The following CDH10 variants were observed in gnomAD, a reference collection of about 807,000 sequenced individuals.
CDH10 encodes the protein cadherin 10.
A neutral mutation model predicts 73.1 loss-of-function variants in CDH10; 30 were observed. That is an observed-to-expected ratio of 0.41 (90% confidence interval 0.31 to 0.56). The LOEUF (loss-of-function observed/expected upper bound fraction) is 0.56. CDH10 is among the 20% of genes least tolerant of loss of function. The probability of loss-of-function intolerance (pLI) is 0.27; values close to 1 mark genes in which losing one functional copy is unlikely to be tolerated. For missense variants in CDH10, 815 were observed against 973.7 expected (o/e 0.84, Z 2.17); for synonymous variants, 345 against 348.2 (o/e 0.99, Z 0.10).
intron 1 of CDH10, among the ~76,000 whole-genome samples, chr5:24,605,476 TG>T (rs1448910173): frequency 1.3e-5 from 2 of 152,202 alleles, no homozygotes; most frequent in Non-Finnish European, 2.9e-5. Context: ...CAATCTGAGG[TG>T]GAACAGTCAT....
At chr5:24,556,826 T>C (rs1296934275) in intron 2 of CDH10, among the ~76,000 whole-genome samples, 1 of 151,836 alleles carries the variant, frequency 6.6e-6, no homozygotes, top group Non-Finnish European at 1.5e-5. Flanking sequence ...TAAAGTTAAT[T>C]GAGCATAATT....
At chr5:24,555,275 T>A (rs560666754) in intron 2 of CDH10, among the ~76,000 whole-genome samples, 3 of 152,268 alleles carry the variant, frequency 2.0e-5, no homozygotes, top group African/African-American at 7.2e-5. Flanking sequence ...AAAAGTTTCA[T>A]TAGAGGCTTA....
chr5:24,576,896 A>G (rs1027946717), intron 2 of CDH10, among the ~76,000 whole-genome samples: 1 of 152,008 alleles, frequency 6.6e-6, no homozygotes, highest in African/African-American at 2.4e-5. Flanking sequence ...AATGAGCAAT[A>G]TTGAAAACAT....
chr5:24,512,190 A>G (rs146159509), intron 5 of CDH10, among the ~76,000 whole-genome samples: 2,568 of 152,194 alleles, frequency 0.017, 54 homozygotes, highest in African/African-American at 0.052. Flanking sequence ...ATTTTATTTT[A>G]TCTTTTGAGA....
At chr5:24,621,332 C>T (rs1251066971) in intron 1 of CDH10, among the ~76,000 whole-genome samples, 1 of 152,152 alleles carries the variant, frequency 6.6e-6, no homozygotes, top group Non-Finnish European at 1.5e-5. Context: ...CAAGGCATAT[C>T]TACTAAGAGG....
intron 2 of CDH10, among the ~76,000 whole-genome samples, chr5:24,562,418 A>G (rs16893546): frequency 0.096 from 14,628 of 152,012 alleles, 1,284 homozygotes; most frequent in African/African-American, 0.24. Context: ...ATTTCACTCA[A>G]CTACTCTGTT....
At chr5:24,517,246 G>GT (rs1743142147) in intron 5 of CDH10, among the ~76,000 whole-genome samples, 1 of 152,054 alleles carries the variant, frequency 6.6e-6, no homozygotes, top group Non-Finnish European at 1.5e-5. Context: ...GCACATTTTT[G>GT]TTTAATCATT....
At chr5:24,490,140 T>A (rs1354615351) in intron 11 of CDH10, among the ~76,000 whole-genome samples, 1 of 152,146 alleles carries the variant, frequency 6.6e-6, no homozygotes, top group Non-Finnish European at 1.5e-5. Flanking sequence ...TTATTCTTAC[T>A]AGAGACTTTC....
chr5:24,575,059 A>G (rs1745545267), intron 2 of CDH10, among the ~76,000 whole-genome samples: 1 of 152,104 alleles, frequency 6.6e-6, no homozygotes, highest in African/African-American at 2.4e-5. Flanking sequence ...TTTCACATTC[A>G]AAATGTCTCC....
intron 5 of CDH10, among the ~76,000 whole-genome samples, chr5:24,512,417 T>G (rs1742949603): frequency 6.6e-6 from 1 of 152,210 alleles, no homozygotes; most frequent in Admixed American, 6.5e-5. Context: ...ATGTAGTTGT[T>G]TTTACTATGC....
intron 2 of CDH10, among the ~76,000 whole-genome samples, chr5:24,543,149 G>C (rs1008633278): frequency 5.3e-5 from 8 of 151,852 alleles, no homozygotes; most frequent in African/African-American, 1.9e-4. Context: ...GAAAAATAAA[G>C]AAAAAAAGTT....
At chr5:24,636,292 A>G (rs551723977) in intron 1 of CDH10, among the ~76,000 whole-genome samples, 1 of 152,148 alleles carries the variant, frequency 6.6e-6, no homozygotes, top group Admixed American at 6.6e-5. Context: ...TGGCACAGCT[A>G]GGATTTAAAT....
rs376630462 is a variant in CDH10, at chr5:24,505,248, T to C, written c.1257A>G (p.Arg419=). The C allele has an allele frequency of 6.2e-7, 1 of 1,612,190 alleles. No individual in the cohort carries two copies. The highest frequency in any genetic ancestry group is 1.3e-5 in the African/African-American group (1 of 74,806). Reference sequence around the variant, plus strand: ...GGTCAGTATGGCGATCCAAGGAAAATCTGAACATGGAGGGCAAGAAAAAAT... The same window carrying C: ...GGTCAGTATGGCGATCCAAGGAAAACCTGAACATGGAGGGCAAGAAAAAAT... ...RDPDSISSPI[R]FSLDRHTDLD... is the part of the protein sequence containing the mutation. Residue 419 remains arginine (R), a splice_region_variant and synonymous_variant, in exon 8 of 12, where the codon AGA becomes AGG. Transcript: ENST00000264463.
At chr5:24,499,639 A>G (rs1055242696) in intron 8 of CDH10, 1 of 151,806 alleles carries the variant, frequency 6.6e-6, no homozygotes, top group Admixed American at 6.6e-5. Flanking sequence ...GTGAGCTGAG[A>G]TCGTGCCACT....
chr5:24,525,319 T>C (rs917953852), intron 5 of CDH10, among the ~76,000 whole-genome samples: 6 of 152,010 alleles, frequency 3.9e-5, no homozygotes, highest in African/African-American at 1.4e-4. Context: ...TTCTCCAGAG[T>C]TGAGATGAAA....
At chr5:24,580,515 G>C (rs1463477173) in intron 2 of CDH10, among the ~76,000 whole-genome samples, 1 of 152,074 alleles carries the variant, frequency 6.6e-6, no homozygotes, top group African/African-American at 2.4e-5. Context: ...TTACTGGTTT[G>C]TTATACAGAT....
At chr5:24,498,297 T>G in intron 9 of CDH10, 101 bp downstream of exon 9, 1 of 682,060 alleles carries the variant, frequency 1.5e-6, no homozygotes. Context: ...TCTATATGAG[T>G]ATTTCCATCT....
intron 2 of CDH10, among the ~76,000 whole-genome samples, chr5:24,549,551 CTT>C (rs56094828): frequency 6.0e-5 from 8 of 133,452 alleles, no homozygotes; most frequent in Admixed American, 2.3e-4. Flanking sequence ...AATGGAATGA[CTT>C]TTTTTTTTTT....
At chr5:24,528,554 T>C (rs1269299917) in intron 5 of CDH10, among the ~76,000 whole-genome samples, 1 of 151,966 alleles carries the variant, frequency 6.6e-6, no homozygotes, top group East Asian at 1.9e-4. Context: ...AAAGACCTTG[T>C]CTCATGCAAA....
Sources: gnomAD v4.1 joint callset for allele counts (sites outside exome capture counted in the v4.1 genomes callset) on GRCh38, gnomAD v4.1.1 for gene constraint, MANE v1.5 for transcripts, NCBI Gene and HGNC (gene_info 2026-07-23, HGNC 2026-07-21) for gene names.